LMNB1: variants seen among roughly 807,000 people sequenced by gnomAD.
LMNB1 encodes lamin-B1.
In LMNB1, 23 loss-of-function variants were observed where a neutral mutation model predicts 67.1. The observed-to-expected ratio is 0.34, with a 90% confidence interval of 0.25 to 0.49. The LOEUF is 0.49. Ranked by LOEUF, LMNB1 falls within the 20% of genes least tolerant of loss-of-function variation. The pLI, the probability that LMNB1 is intolerant of heterozygous loss-of-function variation, is 0.99. For missense variants in LMNB1, 634 were observed against 746.5 expected, an observed-to-expected ratio of 0.85 and a Z score of 1.76; for synonymous variants, 281 against 282.9, an observed-to-expected ratio of 0.99 and a Z score of 0.07.
chr5:126,822,754 A>G, intron 7 of LMNB1, 27 bp from the exon 8 acceptor site: 1 of 1,342,640 alleles, frequency 7.4e-7, no homozygotes, highest in Non-Finnish European at 1.1e-6. Context: ...TTGAAGTAAC[A>G]CCCCTCACCC....
intron 1 of LMNB1, among the ~76,000 whole-genome samples, chr5:126,786,450 G>A (rs79627602): frequency 0.055 from 8,425 of 152,200 alleles, 262 homozygotes; most frequent in Middle Eastern, 0.095. Flanking sequence ...CATGATAACT[G>A]CTGATGAGTA....
chr5:126,804,909 G>T lies in LMNB1; in HGVS notation c.493G>T (p.Asp165Tyr), dbSNP rs747828643. The T allele has an allele frequency of 2.5e-6, 4 of 1,613,880 alleles. No individual in the cohort carries two copies. The highest frequency in any genetic ancestry group is 3.4e-6 in the Non-Finnish European group (4 of 1,179,942). The change falls in exon 2 of 11, where the codon GAT becomes TAT. Residue 165 changes from aspartate to tyrosine, a missense_variant. Coordinates refer to ENST00000261366, the MANE Select transcript of LMNB1 (RefSeq NM_005573.4). ...AAAAAGTTTAGAGGGAGATTTGGAG[G>T]ATCTGAAGGATCAGATTGCCCAGGT... ...DKKSLEGDLEDLKDQIAQLEA... is the reference protein window; with the variant it reads ...DKKSLEGDLEYLKDQIAQLEA...
chr5:126,807,691 G>C (rs1364136664), intron 3 of LMNB1, among the ~76,000 whole-genome samples: 1 of 152,164 alleles, frequency 6.6e-6, no homozygotes, highest in Non-Finnish European at 1.5e-5. Context: ...CTGATGTTGT[G>C]TGTAGACAAC....
At chr5:126,805,781 T>A in intron 3 of LMNB1, 85 bp downstream of exon 3, 1 of 1,025,410 alleles carries the variant, frequency 9.8e-7, no homozygotes, top group Non-Finnish European at 1.4e-6. Context: ...TTATATTTTA[T>A]TTATGATTTC....
At chr5:126,798,648 A>G (rs1307897153) in intron 1 of LMNB1, among the ~76,000 whole-genome samples, 1 of 152,142 alleles carries the variant, frequency 6.6e-6, no homozygotes, top group Non-Finnish European at 1.5e-5. Context: ...TTCTTGGAAG[A>G]GACATGATAT....
At position 126,822,831 on chromosome 5, in the gene LMNB1, A is replaced by T. The variant is rs1283699268; in HGVS notation, c.1437A>T (p.Ser479=). The part of the protein sequence containing the change: ...WEMIRKIGDT[S]VSYKYTSRYV... ...TGATCAGAAAAATTGGAGACACATC[A>T]GTCAGTTATAAATATACCTCAAGAT... The change falls in exon 8 of 11, where the codon TCA becomes TCT. Residue 479 remains serine (S), a synonymous_variant. Coordinates refer to ENST00000261366, the MANE Select transcript of LMNB1 (RefSeq NM_005573.4). The T allele has an allele frequency of 1.2e-6, 2 of 1,613,262 alleles. No individual in the cohort carries two copies. Among genetic ancestry groups the T allele is most frequent in the South Asian group, 1.1e-5 (1 of 91,048 alleles).
At chr5:126,785,098 G>A (rs1208713032) in intron 1 of LMNB1, among the ~76,000 whole-genome samples, 3 of 151,228 alleles carry the variant, frequency 2.0e-5, no homozygotes, top group African/African-American at 7.3e-5. Context: ...TGCCGCCTCA[G>A]CCTCCCAAAT....
intron 1 of LMNB1, among the ~76,000 whole-genome samples, chr5:126,785,621 C>T (rs1487114806): frequency 6.6e-6 from 1 of 151,830 alleles, no homozygotes; most frequent in Non-Finnish European, 1.5e-5. Flanking sequence ...CGGTGCCAGG[C>T]CAAAAATTAA....
At chr5:126,821,190 CTT>C in intron 7 of LMNB1, 55 bp downstream of exon 7, 1 of 1,167,418 alleles carries the variant, frequency 8.6e-7, no homozygotes, top group African/African-American at 1.5e-5. Context: ...GCTAGATTCT[CTT>C]GCAATTGTCA....
At position 126,777,817 on chromosome 5, in the gene LMNB1, G is replaced by A; in HGVS notation, c.309G>A (p.Leu103=). The change falls in exon 1 of 11, where the codon CTG becomes CTA. Residue 103 remains leucine, a synonymous_variant. Transcript: ENST00000261366. ...LDDTARERAK[L]QIELGKCKAE... ...ACACGGCCCGCGAGCGCGCCAAGCT[G>A]CAGATCGAGCTGGGCAAGTGCAAGG... 3 of 1,485,618 alleles carry A rather than the reference G, an allele frequency of 2.0e-6. No homozygotes were observed. Among genetic ancestry groups the A allele is most frequent in the Non-Finnish European group, 2.7e-6 (3 of 1,116,388 alleles). The allele number at this position is 1,485,618 out of a possible 1,614,324, so 92.0% of individuals were successfully genotyped here. A position where few individuals can be genotyped will look rare whatever the true frequency, so the allele number is the denominator to read the frequency against.
At chr5:126,820,831 G>GT (rs1476471948) in intron 6 of LMNB1, 79 bp from the exon 7 acceptor site, 8 of 1,098,960 alleles carry the variant, frequency 7.3e-6, no homozygotes, top group South Asian at 4.2e-5. Context: ...CCCAGCCCTT[G>GT]TTTTTTTGTT....
intron 8 of LMNB1, among the ~76,000 whole-genome samples, chr5:126,824,456 T>G (rs1307829108): frequency 1.3e-5 from 2 of 152,194 alleles, no homozygotes; most frequent in Non-Finnish European, 1.5e-5. Flanking sequence ...CACATTCATT[T>G]CAGACTAGCC....
chr5:126,785,409 A>G (rs1750751909), intron 1 of LMNB1, among the ~76,000 whole-genome samples: 1 of 150,866 alleles, frequency 6.6e-6, no homozygotes, highest in South Asian at 2.1e-4. Flanking sequence ...CTCCTGCCTC[A>G]GCCTCCTGAT....
At chr5:126,787,546 A>ATATATATATTTTTT in intron 1 of LMNB1, among the ~76,000 whole-genome samples, 108 of 65,522 alleles carry the variant, frequency 1.6e-3, no homozygotes, top group East Asian at 4.3e-3. Context: ...ATATATATAT[A>ATATATATATTTTTT]TTTTTTTTTT....
rs541255034 is a variant in LMNB1 at position 126,836,416 on chromosome 5, C to T, written c.*152C>T. 16 of 584,226 alleles carry T rather than the reference C, an allele frequency of 2.7e-5. No homozygotes were observed. In the African/African-American group the frequency reaches 2.8e-4, roughly 10 times the overall value. 36.2% of individuals were successfully genotyped at this position (584,226 alleles called of 1,614,324 possible). Reference sequence around the variant, plus strand: ...GATGGCCTTAATTTCCTTTTTGACACTGAAAGTTTTGTAAAAGAAATCATG... The same window carrying T: ...GATGGCCTTAATTTCCTTTTTGACATTGAAAGTTTTGTAAAAGAAATCATG... On this transcript the variant is annotated 3_prime_UTR_variant, in exon 11 of 11. Coordinates refer to ENST00000261366, the MANE Select transcript of LMNB1 (RefSeq NM_005573.4).
At chr5:126,787,546 A>ATATATATATATATATTTTT in intron 1 of LMNB1, among the ~76,000 whole-genome samples, 5 of 65,572 alleles carry the variant, frequency 7.6e-5, no homozygotes, top group African/African-American at 1.3e-4. Context: ...ATATATATAT[A>ATATATATATATATATTTTT]TTTTTTTTTT....
intron 1 of LMNB1, among the ~76,000 whole-genome samples, chr5:126,778,070 G>T (rs1750519746): frequency 6.6e-6 from 1 of 152,232 alleles, no homozygotes; most frequent in South Asian, 2.1e-4. Context: ...GGCTCGAGCT[G>T]TAGCGCTGGG....
rs1751804079 is a variant in LMNB1 at position 126,819,375 on chromosome 5, A to G, written c.1160+233A>G. 1.7e-5 allele frequency: 6 copies of G among 358,094 alleles called. 1 individual carries two copies. The South Asian group carries it at 2.9e-4, about 17-fold the overall frequency. The allele number at this position is 358,094 out of a possible 1,614,324, so 22.2% of individuals were successfully genotyped here. ...ACTTTAAATGCTGAACTGCATCAGG[A>G]TGGATTAGTTCCTTTGAGATTTTAA... On this transcript the variant is annotated intron_variant, in intron 6 of 10. Coordinates refer to ENST00000261366, the MANE Select transcript of LMNB1 (RefSeq NM_005573.4).
In LMNB1 at chr5:126,809,166, C is replaced by T. The variant is rs147191558; in HGVS notation, c.643-1014C>T. 3.3e-3 allele frequency among the ~76,000 whole-genome samples: 496 copies of T among 152,284 alleles called. 2 individuals are homozygous for T. Among genetic ancestry groups the T allele is most frequent in the African/African-American group, 0.011 (467 of 41,568 alleles). On this transcript the variant is annotated intron_variant, in intron 3 of 10. Coordinates refer to ENST00000261366, the MANE Select transcript of LMNB1 (RefSeq NM_005573.4). Reference sequence around the variant, plus strand: ...CTAGGATTACAGGCGTGAGCCACCGCGCCCAGCCTTCCATTCTAATTTTAT... The same window carrying T: ...CTAGGATTACAGGCGTGAGCCACCGTGCCCAGCCTTCCATTCTAATTTTAT...
Sources: allele counts gnomAD v4.1 joint callset (sites outside exome capture counted in the v4.1 genomes callset), GRCh38; gene constraint gnomAD v4.1.1; transcripts MANE v1.5; gene names NCBI Gene and HGNC (gene_info 2026-07-23, HGNC 2026-07-21).